The following VAV3 variants were observed in gnomAD, a reference collection of about 807,000 sequenced individuals.
The protein encoded by VAV3 is guanine nucleotide exchange factor VAV3.
In VAV3, 94 loss-of-function variants were observed where a neutral mutation model predicts 131.2. The ratio of observed to expected loss-of-function variants is 0.72; its 90% confidence interval spans 0.61 to 0.85. The LOEUF is 0.85. Ranked by LOEUF, VAV3 falls within the 40% of genes least tolerant of loss-of-function variation. The probability of loss-of-function intolerance (pLI) is 0.00; values close to 1 mark genes in which losing one functional copy is unlikely to be tolerated. For synonymous variants in VAV3, 349 were observed against 342.0 expected, an observed-to-expected ratio of 1.02 and a Z score of -0.22; for missense variants, 939 against 1,002.7, an observed-to-expected ratio of 0.94 and a Z score of 0.86.
intron 19 of VAV3, among the ~76,000 whole-genome samples, chr1:107,670,212 T>C (rs901125396): frequency 8.5e-5 from 13 of 152,302 alleles, no homozygotes; most frequent in Non-Finnish European, 1.9e-4. Flanking sequence ...AGAATTTCCA[T>C]CACTGCTGGC....
At chr1:107,701,599 A>G (rs893232891) in intron 17 of VAV3, among the ~76,000 whole-genome samples, 9 of 152,180 alleles carry the variant, frequency 5.9e-5, no homozygotes, top group Admixed American at 5.2e-4. Flanking sequence ...CAAGCTTGAA[A>G]TTCTCCCCAG....
At chr1:107,809,194 T>C (rs1374810121) in intron 2 of VAV3, among the ~76,000 whole-genome samples, 3 of 152,216 alleles carry the variant, frequency 2.0e-5, no homozygotes, top group African/African-American at 7.2e-5. Context: ...TTTCTTTCTT[T>C]GGACTACTTT....
chr1:107,809,284 C>T (rs945309741), intron 2 of VAV3, among the ~76,000 whole-genome samples: 7 of 152,148 alleles, frequency 4.6e-5, no homozygotes, highest in Non-Finnish European at 1.0e-4. Context: ...ACCTAAGAGT[C>T]TGAGAAATCA....
intron 11 of VAV3, among the ~76,000 whole-genome samples, chr1:107,756,902 T>TG (rs1664131364): frequency 6.6e-6 from 1 of 151,976 alleles, no homozygotes; most frequent in Admixed American, 6.6e-5. Flanking sequence ...ATGAAAAGAA[T>TG]GGGAAAAAAA....
chr1:107,918,484 G>A (rs969849953), intron 1 of VAV3, among the ~76,000 whole-genome samples: 1 of 152,000 alleles, frequency 6.6e-6, no homozygotes, highest in Non-Finnish European at 1.5e-5. Context: ...GTCAATGAAG[G>A]TAGGGGAATG....
At chr1:107,653,308 A>G (rs887505203) in intron 19 of VAV3, among the ~76,000 whole-genome samples, 4 of 151,932 alleles carry the variant, frequency 2.6e-5, no homozygotes, top group Admixed American at 2.6e-4. Context: ...AGAAAAATGC[A>G]CATAAATTGA....
At chr1:107,954,009 T>G (rs1275474675) in intron 1 of VAV3, among the ~76,000 whole-genome samples, 1 of 152,166 alleles carries the variant, frequency 6.6e-6, no homozygotes, top group African/African-American at 2.4e-5. Flanking sequence ...AAAATAATTT[T>G]ACATGGAAAT....
intron 19 of VAV3, among the ~76,000 whole-genome samples, chr1:107,677,105 AT>A: frequency 6.6e-6 from 1 of 152,360 alleles, no homozygotes. Flanking sequence ...TGATTTGAAT[AT>A]GCTGAAAGAT....
intron 20 of VAV3, among the ~76,000 whole-genome samples, chr1:107,634,564 A>T (rs1475494071): frequency 6.6e-6 from 1 of 151,190 alleles, no homozygotes; most frequent in Non-Finnish European, 1.5e-5. Context: ...AGGTATGGGC[A>T]AGGACTTCAT....
At chr1:107,672,606 A>T (rs911016514) in intron 19 of VAV3, among the ~76,000 whole-genome samples, 1 of 152,096 alleles carries the variant, frequency 6.6e-6, no homozygotes, top group African/African-American at 2.4e-5. Flanking sequence ...CCAGAAAAAA[A>T]ATATAAAAAT....
chr1:107,748,820 GTAGCACTCCTGCTCACAGCAAAAACAT>G (rs1487546764), intron 15 of VAV3, 121 bp downstream of exon 15: 1 of 593,662 alleles, frequency 1.7e-6, no homozygotes, highest in Non-Finnish European at 2.8e-6. Context: ...CAGCAGCCTA[GTAGCACTCCTGCTCACAGCAAAAACAT>G]TCCCGTCGCT....
At position 107,644,538 on chromosome 1, in the gene VAV3, A is replaced by G. The variant is rs531244166; in HGVS notation, c.1778-1783T>C. Among the ~76,000 whole-genome samples the G allele has an allele frequency of 5.1e-4, 77 of 152,242 alleles. 1 individual carries two copies. The highest frequency in any genetic ancestry group is 5.0e-3 in the South Asian group (24 of 4,820). ...TGATGTGGTCTCAAATACTGGGGCC[A>G]GTTCTGAGCCGTGGACTTCACTGCA... On this transcript the variant is annotated intron_variant, in intron 19 of 26. Coordinates refer to ENST00000370056, the MANE Select transcript of VAV3 (RefSeq NM_006113.5).
chr1:107,864,823 T>A (rs1248745845), intron 2 of VAV3, among the ~76,000 whole-genome samples: 2 of 152,202 alleles, frequency 1.3e-5, no homozygotes, highest in Non-Finnish European at 2.9e-5. Context: ...TACCAATTTG[T>A]TTCCTTAACT....
chr1:107,619,979 G>T (rs1233446235), intron 20 of VAV3, among the ~76,000 whole-genome samples: 3 of 152,140 alleles, frequency 2.0e-5, no homozygotes, highest in Admixed American at 2.0e-4. Context: ...CTTCCCCAAG[G>T]AGCAGATCCC....
At chr1:107,920,064 G>T (rs1188956803) in intron 1 of VAV3, among the ~76,000 whole-genome samples, 1 of 152,144 alleles carries the variant, frequency 6.6e-6, no homozygotes. Context: ...TACAGAAGCA[G>T]TTGAAATATC....
intron 1 of VAV3, among the ~76,000 whole-genome samples, chr1:107,879,555 T>G (rs745882108): frequency 2.7e-5 from 4 of 150,752 alleles, no homozygotes; most frequent in East Asian, 1.9e-4. Flanking sequence ...TACTTGAGTG[T>G]TTTTTTTTCC....
At chr1:107,817,397 C>G (rs1667604928) in intron 2 of VAV3, among the ~76,000 whole-genome samples, 1 of 151,832 alleles carries the variant, frequency 6.6e-6, no homozygotes, top group South Asian at 2.1e-4. Flanking sequence ...TCAACCACAG[C>G]AAGGCTGAGT....
At chr1:107,631,999 G>A (rs1333678593) in intron 20 of VAV3, among the ~76,000 whole-genome samples, 1 of 152,086 alleles carries the variant, frequency 6.6e-6, no homozygotes, top group Non-Finnish European at 1.5e-5. Context: ...ACCCAGTAAT[G>A]GGATTGCTGG....
intron 4 of VAV3, among the ~76,000 whole-genome samples, chr1:107,774,484 T>C (rs1665226747): frequency 6.6e-6 from 1 of 152,272 alleles, no homozygotes; most frequent in South Asian, 2.1e-4. Context: ...TTGGCTTTTG[T>C]TATTCAATCC....
Sources: gnomAD v4.1 joint callset for allele counts (sites outside exome capture counted in the v4.1 genomes callset) on GRCh38, gnomAD v4.1.1 for gene constraint, MANE v1.5 for transcripts, NCBI Gene and HGNC (gene_info 2026-07-23, HGNC 2026-07-21) for gene names.